The following PPP1R1C variants were observed in gnomAD, a reference collection of about 807,000 sequenced individuals.
PPP1R1C encodes the protein protein phosphatase 1 regulatory inhibitor subunit 1C.
In PPP1R1C, 15 loss-of-function variants were observed where a neutral mutation model predicts 17.4. The ratio of observed to expected loss-of-function variants is 0.86; its 90% confidence interval spans 0.58 to 1.33. The LOEUF (loss-of-function observed/expected upper bound fraction) is 1.33. Ranked by LOEUF, PPP1R1C falls within the 40% of genes most tolerant of loss-of-function variation. The probability of loss-of-function intolerance (pLI) is 0.00; values close to 1 mark genes in which losing one functional copy is unlikely to be tolerated. For missense variants in PPP1R1C, 143 were observed against 130.0 expected, an observed-to-expected ratio of 1.10 and a Z score of -0.48; for synonymous variants, 35 against 43.1, an observed-to-expected ratio of 0.81 and a Z score of 0.73.
At chr2:181,995,567 A>T (rs1685589879) in intron 2 of PPP1R1C, among the ~76,000 whole-genome samples, 1 of 152,238 alleles carries the variant, frequency 6.6e-6, no homozygotes, top group Non-Finnish European at 1.5e-5. Context: ...CATCATTGTC[A>T]GTTGTTCTGG....
At chr2:182,019,028 T>C (rs533386192) in intron 2 of PPP1R1C, among the ~76,000 whole-genome samples, 1 of 152,248 alleles carries the variant, frequency 6.6e-6, no homozygotes, top group South Asian at 2.1e-4. Flanking sequence ...TTATAATATA[T>C]TAAACACAGA....
At chr2:182,122,261 G>A (rs1203158470), downstream of PPP1R1C, among the ~76,000 whole-genome samples, 1 of 152,004 alleles carries the variant, frequency 6.6e-6, no homozygotes, top group Non-Finnish European at 1.5e-5. Context: ...TTCACTTTTA[G>A]TGTTAATTTA....
At chr2:182,046,878 A>G (rs1687363810) in intron 2 of PPP1R1C, among the ~76,000 whole-genome samples, 1 of 152,204 alleles carries the variant, frequency 6.6e-6, no homozygotes, top group African/African-American at 2.4e-5. Flanking sequence ...AGAAATGAAA[A>G]TCTGTTACAT....
intron 4 of PPP1R1C, among the ~76,000 whole-genome samples, chr2:182,112,677 A>G (rs1689476788): frequency 6.6e-6 from 1 of 152,162 alleles, no homozygotes; most frequent in Non-Finnish European, 1.5e-5. Context: ...TAAAGAGAGT[A>G]GAATTCAAAT....
chr2:182,012,390 CAA>C (rs1176016068), intron 2 of PPP1R1C, among the ~76,000 whole-genome samples: 6 of 151,962 alleles, frequency 3.9e-5, no homozygotes, highest in Middle Eastern at 3.4e-3. Context: ...GTTTTTCTCT[CAA>C]AGTTTGTTTT....
At chr2:182,020,844 T>C (rs1384337067) in intron 2 of PPP1R1C, among the ~76,000 whole-genome samples, 2 of 152,210 alleles carry the variant, frequency 1.3e-5, no homozygotes, top group African/African-American at 4.8e-5. Flanking sequence ...TAGTCTGACT[T>C]TGTTTTTGGA....
chr2:182,021,634 G>T (rs79062163), intron 2 of PPP1R1C, among the ~76,000 whole-genome samples: 2 of 151,984 alleles, frequency 1.3e-5, no homozygotes, highest in Admixed American at 1.3e-4. Flanking sequence ...CAAAAAAAAT[G>T]GTTATTTTCT....
intron 2 of PPP1R1C, among the ~76,000 whole-genome samples, chr2:181,993,919 C>T (rs778513672): frequency 6.6e-5 from 10 of 151,902 alleles, no homozygotes; most frequent in Non-Finnish European, 1.5e-4. Context: ...ATGAAAGGGA[C>T]CTGCATTTCT....
chr2:182,043,901 GTGACTA>G lies in PPP1R1C; in HGVS notation c.143-17539_143-17534del, dbSNP rs1052395645. On this transcript the variant is annotated intron_variant, in intron 2 of 4. Coordinates refer to ENST00000682840, the MANE Select transcript of PPP1R1C (RefSeq NM_001080545.3). ...TTCAGCTCCGCTTTCACTACTGAGAGTGACTATATCTGAATTCTACCCACTTGGATA... is the reference window on the plus strand; with the variant it reads ...TTCAGCTCCGCTTTCACTACTGAGAGTATCTGAATTCTACCCACTTGGATA... Among the ~76,000 whole-genome samples the G allele has an allele frequency of 1.7e-3, 265 of 152,280 alleles. 1 individual carries two copies. Among genetic ancestry groups the G allele is most frequent in the African/African-American group, 6.0e-3 (248 of 41,552 alleles).
intron 4 of PPP1R1C, among the ~76,000 whole-genome samples, chr2:182,092,753 C>A (rs1688818689): frequency 6.6e-6 from 1 of 152,182 alleles, no homozygotes; most frequent in African/African-American, 2.4e-5. Context: ...CCAAAGTGAT[C>A]TCCTTTGACT....
chr2:182,004,846 G>A (rs1435193940), intron 2 of PPP1R1C, among the ~76,000 whole-genome samples: 1 of 152,194 alleles, frequency 6.6e-6, no homozygotes, highest in Non-Finnish European at 1.5e-5. Flanking sequence ...GGCAAAATTG[G>A]AGGTGGTGAT....
intron 1 of PPP1R1C, among the ~76,000 whole-genome samples, chr2:181,959,951 T>TA (rs939930655): frequency 6.6e-6 from 1 of 152,060 alleles, no homozygotes; most frequent in African/African-American, 2.4e-5. Context: ...TCCAATGATC[T>TA]AAAAAAAATT....
Position 181,962,972 on chromosome 2 carries a change from C to T in PPP1R1C, n.111+8338C>T, listed in dbSNP as rs1210880325. Among the ~76,000 whole-genome samples the T allele has an allele frequency of 6.6e-6, 1 of 152,152 alleles. No individual in the cohort carries two copies. Among genetic ancestry groups the T allele is most frequent in the Non-Finnish European group, 1.5e-5 (1 of 68,016 alleles). ...GTAGTATACAAGGTAATATACAACA[C>T]AGAGCAGGGCTGCCGATCCCCAAGA... On this transcript the variant is annotated intron_variant and non_coding_transcript_variant, in intron 1 of 5. Coordinates refer to the PPP1R1C transcript ENST00000464264. This position sits in a 1 kb window ranked among gnomAD's most constrained non-coding sequence, Gnocchi z 6.0.
intron 2 of PPP1R1C, among the ~76,000 whole-genome samples, chr2:182,022,814 G>C (rs1335168072): frequency 2.0e-5 from 3 of 152,164 alleles, no homozygotes; most frequent in African/African-American, 7.2e-5. Context: ...GTTGCTAACA[G>C]GTGGAGTGAA....
intron 2 of PPP1R1C, among the ~76,000 whole-genome samples, chr2:182,057,211 T>A (rs965408278): frequency 6.6e-6 from 1 of 152,148 alleles, no homozygotes; most frequent in African/African-American, 2.4e-5. Flanking sequence ...TAGAGGATAA[T>A]CCTCATTCTT....
At chr2:182,113,100 C>G (rs1689488003) in intron 4 of PPP1R1C, among the ~76,000 whole-genome samples, 1 of 152,162 alleles carries the variant, frequency 6.6e-6, no homozygotes, top group Non-Finnish European at 1.5e-5. Context: ...CAGGAATTAT[C>G]TATAACCTGC....
chr2:182,007,333 T>C (rs1191840415), intron 2 of PPP1R1C, among the ~76,000 whole-genome samples: 1 of 152,218 alleles, frequency 6.6e-6, no homozygotes, highest in Non-Finnish European at 1.5e-5. Flanking sequence ...TTGCTTATTT[T>C]CTACAATATC....
chr2:182,021,456 T>C (rs1018797518), intron 2 of PPP1R1C, among the ~76,000 whole-genome samples: 1 of 151,232 alleles, frequency 6.6e-6, no homozygotes, highest in African/African-American at 2.4e-5. Context: ...GCCTCCCGAG[T>C]AGCTGGGACT....
intron 2 of PPP1R1C, among the ~76,000 whole-genome samples, chr2:182,014,271 G>A (rs1308075969): frequency 6.6e-6 from 1 of 152,182 alleles, no homozygotes; most frequent in East Asian, 1.9e-4. Context: ...CCAAAGCCCA[G>A]TAATTCTGTG....
Sources: allele counts gnomAD v4.1 joint callset (sites outside exome capture counted in the v4.1 genomes callset), GRCh38; gene constraint gnomAD v4.1.1; non-coding constraint Gnocchi (gnomAD v3.1); transcripts MANE v1.5; gene names NCBI Gene and HGNC (gene_info 2026-07-23, HGNC 2026-07-21).